Variants in UCK2 observed in about 807,000 individuals in gnomAD.
The protein encoded by UCK2 is uridine-cytidine kinase 2, also known as cytidine monophosphokinase 2.
In UCK2, 6 loss-of-function variants were observed where a neutral mutation model predicts 30.8. The observed-to-expected ratio is 0.19, with a 90% confidence interval of 0.11 to 0.38. UCK2 has a LOEUF of 0.38. Ranked by LOEUF, UCK2 falls within the 10% of genes least tolerant of loss-of-function variation. UCK2 has a pLI of 1.00. For missense variants in UCK2, 210 were observed against 339.8 expected, an observed-to-expected ratio of 0.62 and a Z score of 3.00; for synonymous variants, 125 against 133.6, an observed-to-expected ratio of 0.94 and a Z score of 0.45.
intron 3 of UCK2, among the ~76,000 whole-genome samples, chr1:165,895,081 C>T (rs1164992258): frequency 6.6e-6 from 1 of 152,174 alleles, no homozygotes; most frequent in Non-Finnish European, 1.5e-5. Context: ...CAGCCCGTCG[C>T]CTAACCGTTT....
At chr1:165,866,863 A>G (rs1655057825) in intron 1 of UCK2, among the ~76,000 whole-genome samples, 1 of 152,230 alleles carries the variant, frequency 6.6e-6, no homozygotes. Context: ...GCTACGTATC[A>G]TTGTATGTAT....
At chr1:165,853,533 T>C (rs942696483) in intron 1 of UCK2, among the ~76,000 whole-genome samples, 3 of 151,952 alleles carry the variant, frequency 2.0e-5, no homozygotes, top group African/African-American at 7.3e-5. Context: ...TTTTTTTTTT[T>C]CCGGAAAGGA....
At chr1:165,834,702 A>G (rs1017129882) in intron 1 of UCK2, among the ~76,000 whole-genome samples, 1 of 152,110 alleles carries the variant, frequency 6.6e-6, no homozygotes, top group Non-Finnish European at 1.5e-5. Flanking sequence ...CTCTTTCCAT[A>G]ACATGGGTTT....
At chr1:165,891,128 A>C in intron 2 of UCK2, 98 bp from the exon 3 acceptor site, 1 of 1,040,850 alleles carries the variant, frequency 9.6e-7, no homozygotes, top group Non-Finnish European at 1.4e-6. Context: ...TTAAAGTGTG[A>C]TGTGCCCATA....
chr1:165,897,275 T>C (rs1209735794), intron 4 of UCK2, among the ~76,000 whole-genome samples: 1 of 152,032 alleles, frequency 6.6e-6, no homozygotes, highest in Non-Finnish European at 1.5e-5. Context: ...GTGGCCACTG[T>C]TCTGTGTTGG....
chr1:165,893,251 G>C (rs1161464523), intron 3 of UCK2, among the ~76,000 whole-genome samples: 1 of 152,214 alleles, frequency 6.6e-6, no homozygotes, highest in Non-Finnish European at 1.5e-5. Flanking sequence ...GTTCCATCAA[G>C]TTGATATGCC....
At chr1:165,853,520 C>CTT (rs769678523) in intron 1 of UCK2, among the ~76,000 whole-genome samples, 50 of 143,158 alleles carry the variant, frequency 3.5e-4, no homozygotes, top group African/African-American at 1.2e-3. Context: ...CAGAAAGGAT[C>CTT]TTTTTTTTTT....
At chr1:165,843,448 A>C (rs965159854) in intron 1 of UCK2, among the ~76,000 whole-genome samples, 76 of 152,224 alleles carry the variant, frequency 5.0e-4, no homozygotes, top group African/African-American at 1.8e-3. Flanking sequence ...GGGATGGCAC[A>C]GGCTTTTAAC....
At position 165,907,868 on chromosome 1, in the gene UCK2, A is replaced by G. The variant is rs750993225; in HGVS notation, c.*45A>G. 6.2e-7 allele frequency: 1 copy of G among 1,605,370 alleles called. No homozygotes were observed. The highest frequency in any genetic ancestry group is 8.5e-7 in the Non-Finnish European group (1 of 1,175,010). On this transcript the variant is annotated 3_prime_UTR_variant, in exon 7 of 7. Coordinates refer to ENST00000367879, the MANE Select transcript of UCK2 (RefSeq NM_012474.5). ...AGCCCCTATCTCCAAGAGACAGAGG[A>G]GGGGTCAGGAGGCACTGCTCATCTG...
intron 3 of UCK2, chr1:165,892,278 GA>G (rs1344260528): frequency 6.6e-6 from 1 of 151,764 alleles, no homozygotes; most frequent in Non-Finnish European, 1.5e-5. Flanking sequence ...ATGGAGGAAT[GA>G]ATGAAGGCAT....
intron 1 of UCK2, among the ~76,000 whole-genome samples, chr1:165,862,633 A>G (rs1026712879): frequency 1.3e-5 from 2 of 152,222 alleles, no homozygotes; most frequent in Admixed American, 6.5e-5. Context: ...ATAGTAGTAC[A>G]TCAGGTGGCA....
At chr1:165,850,657 T>C (rs1353880469) in intron 1 of UCK2, among the ~76,000 whole-genome samples, 2 of 148,636 alleles carry the variant, frequency 1.3e-5, no homozygotes, top group Admixed American at 1.3e-4. Flanking sequence ...CTGGTTCTGT[T>C]GCCCAGGCTG....
At chr1:165,845,141 G>A (rs1423772505) in intron 1 of UCK2, among the ~76,000 whole-genome samples, 1 of 152,154 alleles carries the variant, frequency 6.6e-6, no homozygotes, top group Non-Finnish European at 1.5e-5. Flanking sequence ...CTCAGCCTGT[G>A]GGATCTGGCG....
intron 1 of UCK2, among the ~76,000 whole-genome samples, chr1:165,828,828 T>A (rs1653965617): frequency 6.6e-6 from 1 of 152,204 alleles, no homozygotes; most frequent in Non-Finnish European, 1.5e-5. Context: ...GTTCTTTCTT[T>A]GCTCCCCTAA....
At chr1:165,853,116 A>G (rs1654640060) in intron 1 of UCK2, among the ~76,000 whole-genome samples, 1 of 152,154 alleles carries the variant, frequency 6.6e-6, no homozygotes, top group African/African-American at 2.4e-5. Flanking sequence ...TGTGTCATAG[A>G]GAACAGGTTT....
intron 1 of UCK2, among the ~76,000 whole-genome samples, chr1:165,838,226 C>G (rs1166016589): frequency 6.6e-6 from 1 of 152,188 alleles, no homozygotes; most frequent in Non-Finnish European, 1.5e-5. Flanking sequence ...CCTCTTCTTT[C>G]TTTGTGTACA....
intron 1 of UCK2, among the ~76,000 whole-genome samples, chr1:165,853,399 A>G (rs1479608536): frequency 1.3e-5 from 2 of 152,014 alleles, no homozygotes; most frequent in Non-Finnish European, 2.9e-5. Flanking sequence ...CAAAAACACC[A>G]TGTCAAATAT....
intron 1 of UCK2, among the ~76,000 whole-genome samples, chr1:165,864,625 G>C (rs539351166): frequency 6.6e-6 from 1 of 152,250 alleles, no homozygotes; most frequent in Non-Finnish European, 1.5e-5. Context: ...ACATATATAA[G>C]TAAGGTTTTA....
chr1:165,837,875 C>T (rs1337731458), intron 1 of UCK2, among the ~76,000 whole-genome samples: 1 of 152,210 alleles, frequency 6.6e-6, no homozygotes, highest in Non-Finnish European at 1.5e-5. Flanking sequence ...TTTAACCTCA[C>T]CATCTCAGTT....
Sources: gnomAD v4.1 joint callset for allele counts (sites outside exome capture counted in the v4.1 genomes callset) on GRCh38, gnomAD v4.1.1 for gene constraint, MANE v1.5 for transcripts, NCBI Gene and HGNC (gene_info 2026-07-23, HGNC 2026-07-21) for gene names.